Variants in LNX2 observed in about 807,000 individuals in gnomAD.
The protein encoded by LNX2 is ligand of Numb protein X 2.
LNX2 carries 35 observed loss-of-function variants against 66.2 expected under a neutral mutation model. The observed-to-expected ratio is 0.53, with a 90% CI of 0.40 to 0.70. The LOEUF is 0.70. Among genes scored for constraint, LNX2 ranks in the 30% least tolerant of loss-of-function variants. The probability of loss-of-function intolerance (pLI) is 0.00; values close to 1 mark genes in which losing one functional copy is unlikely to be tolerated. For synonymous variants in LNX2, 337 were observed against 315.6 expected, an observed-to-expected ratio of 1.07 and a Z score of -0.72; for missense variants, 791 against 850.8, an observed-to-expected ratio of 0.93 and a Z score of 0.87.
intron 1 of LNX2, among the ~76,000 whole-genome samples, chr13:27,605,242 GCAGACAGGCTGA>G (rs1955701786): frequency 6.6e-6 from 1 of 152,190 alleles, no homozygotes; most frequent in Admixed American, 6.5e-5. Context: ...GAGATGAATG[GCAGACAGGCTGA>G]CAGACAGGTG....
chr13:27,567,331 C>T (rs1955218500), intron 4 of LNX2, among the ~76,000 whole-genome samples: 1 of 151,884 alleles, frequency 6.6e-6, no homozygotes, highest in Non-Finnish European at 1.5e-5. Context: ...GACCCTTGAA[C>T]AGTCATTCAA....
At chr13:27,585,207 C>T (rs1490612506) in intron 1 of LNX2, among the ~76,000 whole-genome samples, 5 of 151,740 alleles carry the variant, frequency 3.3e-5, no homozygotes, top group Admixed American at 1.3e-4. Flanking sequence ...GGGTGGATCA[C>T]GAGGTCAGGA....
intron 1 of LNX2, among the ~76,000 whole-genome samples, chr13:27,594,352 T>A (rs1320552917): frequency 6.6e-6 from 1 of 151,354 alleles, no homozygotes; most frequent in Non-Finnish European, 1.5e-5. Context: ...CAACCCTTTA[T>A]CACATTATTA....
intron 1 of LNX2, among the ~76,000 whole-genome samples, chr13:27,583,255 T>TGTGCGCGC (rs1555268514): frequency 1.7e-5 from 1 of 58,530 alleles, no homozygotes; most frequent in Non-Finnish European, 3.2e-5. Context: ...TGTGTGTGTG[T>TGTGCGCGC]GCGCGCGTCC....
intron 1 of LNX2, among the ~76,000 whole-genome samples, chr13:27,600,488 T>C (rs956805960): frequency 5.3e-5 from 8 of 152,178 alleles, no homozygotes; most frequent in African/African-American, 1.4e-4. Context: ...AACATAACCG[T>C]AGAATTACTC....
Position 27,604,089 on chromosome 13 carries a change from C to G in LNX2, c.-101+16286G>C, listed in dbSNP as rs140420323. Among the ~76,000 whole-genome samples, 71 of 152,202 alleles carry G rather than the reference C, an allele frequency of 4.7e-4. 1 individual carries two copies. The East Asian group carries it at 0.013, about 27-fold the overall frequency. ...CTAACACGGTGAAACCCTGTCTCTA[C>G]TAAAAATACAAAAAACTAACCGGGC... On this transcript the variant is annotated intron_variant, in intron 1 of 9. Transcript: ENST00000316334.
At chr13:27,598,576 C>T (rs1285621295) in intron 1 of LNX2, among the ~76,000 whole-genome samples, 1 of 152,080 alleles carries the variant, frequency 6.6e-6, no homozygotes, top group African/African-American at 2.4e-5. Context: ...CAGATTTAAT[C>T]CTCAAGATAA....
At position 27,579,380 on chromosome 13, in the gene LNX2, A is replaced by T. The variant is rs139683486; in HGVS notation, c.407+1917T>A. Among the ~76,000 whole-genome samples the T allele has an allele frequency of 8.1e-3, 1,227 of 152,272 alleles. 19 individuals carry two copies. The highest frequency in any genetic ancestry group is 9.3e-3 in the Non-Finnish European group (630 of 68,008). On this transcript the variant is annotated intron_variant, in intron 2 of 9. Transcript: ENST00000316334. ...AGGCAAATCACCACCTTTTCCAATC[A>T]TCCATCTTTTCACTGTATCTTTCAT...
chr13:27,553,120 CCAA>C (rs1373321278), intron 8 of LNX2, 85 bp downstream of exon 8: 3 of 1,060,512 alleles, frequency 2.8e-6, no homozygotes, highest in Non-Finnish European at 2.8e-6. Flanking sequence ...TTTTTTTATC[CCAA>C]CGAGTAAATT....
intron 1 of LNX2, among the ~76,000 whole-genome samples, chr13:27,612,576 A>C (rs1381421367): frequency 1.3e-5 from 2 of 152,250 alleles, no homozygotes; most frequent in African/African-American, 4.8e-5. Flanking sequence ...GCTATGTTTA[A>C]AAAACGAAAA....
chr13:27,590,522 C>A (rs565222288), intron 1 of LNX2, among the ~76,000 whole-genome samples: 2 of 152,226 alleles, frequency 1.3e-5, no homozygotes, highest in South Asian at 4.1e-4. Flanking sequence ...AGCCACCATC[C>A]CCAGCCCGGT....
chr13:27,556,305 C>T lies in LNX2; in HGVS notation c.1477G>A (p.Glu493Lys). 1 of 1,614,020 alleles carries T rather than the reference C, an allele frequency of 6.2e-7. No homozygotes were observed. Among genetic ancestry groups the T allele is most frequent in the Non-Finnish European group, 8.5e-7 (1 of 1,179,956 alleles). ...VAGGRGSKSGELPIFVTSVPP... is the reference protein window; with the variant it reads ...VAGGRGSKSGKLPIFVTSVPP... ...ACACTGGTCACAAAGATGGGCAGCT[C>T]ACCACTCTTACTTCCCCTGCCCCCA... is the stretch of plus-strand genomic sequence containing the variant. Residue 493 changes from glutamate (E) to lysine (K), a missense_variant, in exon 7 of 10, where the codon GAG (glutamate) becomes AAG (lysine). Transcript: ENST00000316334.
At chr13:27,602,427 G>A (rs1166632564) in intron 1 of LNX2, among the ~76,000 whole-genome samples, 1 of 152,046 alleles carries the variant, frequency 6.6e-6, no homozygotes, top group Non-Finnish European at 1.5e-5. Flanking sequence ...TTCCATCATA[G>A]ATTAGTTTTG....
At position 27,553,293 on chromosome 13, in the gene LNX2, C is replaced by T; in HGVS notation, c.1693G>A (p.Ala565Thr). 8.1e-6 allele frequency: 13 copies of T among 1,614,192 alleles called. No homozygotes were observed. Among genetic ancestry groups the T allele is most frequent in the South Asian group, 1.1e-5 (1 of 91,084 alleles). The change falls in exon 8 of 10, where the codon GCG becomes ACG. Residue 565 changes from alanine (A) to threonine (T), a missense_variant. By Grantham distance (58) the Ala-to-Thr change is moderately conservative. Transcript: ENST00000316334. ...CTGAAAGTACTCGGCTGCTCCTCCG[C>T]GTTCTGAGTCGCCTCCTCAACAATC... ...VQIVEEATQN[A>T]EEQPSTFSEN...
chr13:27,565,834 T>C (rs1955199140), intron 4 of LNX2, among the ~76,000 whole-genome samples: 1 of 151,928 alleles, frequency 6.6e-6, no homozygotes, highest in Non-Finnish European at 1.5e-5. Context: ...CAAGCGGGAG[T>C]GGAAATCAAA....
At chr13:27,557,697 G>A (rs1955080172) in intron 6 of LNX2, among the ~76,000 whole-genome samples, 1 of 151,964 alleles carries the variant, frequency 6.6e-6, no homozygotes, top group Non-Finnish European at 1.5e-5. Context: ...TGGAATTCTA[G>A]GCCTATCTAC....
At chr13:27,582,547 C>T (rs1436628367) in intron 1 of LNX2, among the ~76,000 whole-genome samples, 1 of 152,182 alleles carries the variant, frequency 6.6e-6, no homozygotes, top group Non-Finnish European at 1.5e-5. Flanking sequence ...TGCTTCTTTG[C>T]TTCTGATTGA....
At chr13:27,603,986 G>A (rs377228291) in intron 1 of LNX2, among the ~76,000 whole-genome samples, 4 of 151,338 alleles carry the variant, frequency 2.6e-5, no homozygotes, top group African/African-American at 9.7e-5. Flanking sequence ...CGGGCACGGT[G>A]GCTCACACCT....
At chr13:27,576,388 T>C (rs1422650515) in intron 2 of LNX2, among the ~76,000 whole-genome samples, 1 of 152,130 alleles carries the variant, frequency 6.6e-6, no homozygotes, top group African/African-American at 2.4e-5. Flanking sequence ...ACACAGGACA[T>C]TTTCCAAGAC....
Sources: allele counts gnomAD v4.1 joint callset (sites outside exome capture counted in the v4.1 genomes callset), GRCh38; gene constraint gnomAD v4.1.1; transcripts MANE v1.5; gene names NCBI Gene and HGNC (gene_info 2026-07-23, HGNC 2026-07-21).